Variants in PHF21B observed in about 807,000 individuals in gnomAD.
PHF21B encodes the protein PHD finger protein 21B.
Under a neutral mutation model 62.2 loss-of-function variants are expected in PHF21B, and 22 were observed. The ratio of observed to expected loss-of-function variants is 0.35; its 90% CI spans 0.25 to 0.51. The LOEUF (loss-of-function observed/expected upper bound fraction) is 0.51. Among genes scored for constraint, PHF21B ranks in the 20% least tolerant of loss-of-function variants. PHF21B has a pLI of 0.97. For missense variants in PHF21B, 701 were observed against 707.9 expected, an observed-to-expected ratio of 0.99 and a Z score of 0.11; for synonymous variants, 341 against 314.7, an observed-to-expected ratio of 1.08 and a Z score of -0.88.
At chr22:44,951,087 C>T (rs2072184375) in intron 2 of PHF21B, among the ~76,000 whole-genome samples, 1 of 152,140 alleles carries the variant, frequency 6.6e-6, no homozygotes, top group Non-Finnish European at 1.5e-5. Context: ...AGCCTGCCAC[C>T]AGATGCAGCT....
At chr22:44,956,268 C>T (rs958144983) in intron 2 of PHF21B, among the ~76,000 whole-genome samples, 1 of 152,182 alleles carries the variant, frequency 6.6e-6, no homozygotes, top group Admixed American at 6.5e-5. Context: ...AAGAGGAAGG[C>T]TATTTGGAGA....
chr22:44,933,018 C>T (rs1263735214), intron 2 of PHF21B, among the ~76,000 whole-genome samples: 3 of 152,268 alleles, frequency 2.0e-5, no homozygotes, highest in Non-Finnish European at 2.9e-5. Flanking sequence ...AAGGCACTCG[C>T]CAAGGAGAGC....
At chr22:44,909,921 G>A (rs1416480893) in intron 5 of PHF21B, among the ~76,000 whole-genome samples, 1 of 152,084 alleles carries the variant, frequency 6.6e-6, no homozygotes, top group Non-Finnish European at 1.5e-5. Context: ...ATTCTCTCAC[G>A]ACACACGCAT....
chr22:44,982,798 G>A (rs1047483897), intron 2 of PHF21B, among the ~76,000 whole-genome samples: 12 of 152,226 alleles, frequency 7.9e-5, no homozygotes, highest in Non-Finnish European at 1.3e-4. Context: ...GGGTGAGTGT[G>A]TATTACGGGA....
intron 2 of PHF21B, among the ~76,000 whole-genome samples, chr22:44,980,744 T>A (rs1450227704): frequency 6.6e-6 from 1 of 152,090 alleles, no homozygotes; most frequent in African/African-American, 2.4e-5. Flanking sequence ...GACAATTAGC[T>A]GTCACTCAGC....
intron 5 of PHF21B, among the ~76,000 whole-genome samples, chr22:44,912,769 C>T (rs765413551): frequency 6.8e-6 from 1 of 146,324 alleles, no homozygotes; most frequent in African/African-American, 2.5e-5. Context: ...GTCCCAGCTA[C>T]TTGGGAGGCT....
At chr22:44,889,872 G>A (rs567926485) in intron 8 of PHF21B, 90 bp from the exon 9 acceptor site, 10 of 1,352,904 alleles carry the variant, frequency 7.4e-6, no homozygotes, top group Non-Finnish European at 9.8e-6. Context: ...CATGTGGCAA[G>A]GGCTCTTACC....
rs2070765965 is a variant in PHF21B, at chr22:44,883,073, T to C, written c.*13A>G. 6.2e-7 allele frequency: 1 copy of C among 1,602,452 alleles called. No individual in the cohort carries two copies. The highest frequency in any genetic ancestry group is 1.3e-5 in the African/African-American group (1 of 74,744). Reference sequence around the variant, plus strand: ...AATAACTTTCCGTGGGTATGAAGACTGGTCCCTCGGGGTCAGTTGTGGCCC... The same window carrying C: ...AATAACTTTCCGTGGGTATGAAGACCGGTCCCTCGGGGTCAGTTGTGGCCC... On this transcript the variant is annotated 3_prime_UTR_variant, in exon 13 of 13. Coordinates refer to ENST00000313237, the MANE Select transcript of PHF21B (RefSeq NM_138415.5).
At chr22:44,900,295 G>A (rs1383034385) in intron 5 of PHF21B, among the ~76,000 whole-genome samples, 2 of 152,110 alleles carry the variant, frequency 1.3e-5, no homozygotes, top group African/African-American at 2.4e-5. Context: ...AATGGCTCAT[G>A]GAACATTTCC....
intron 2 of PHF21B, among the ~76,000 whole-genome samples, chr22:44,975,545 T>C (rs920841717): frequency 6.6e-6 from 1 of 150,524 alleles, no homozygotes; most frequent in African/African-American, 2.5e-5. Context: ...GCAGAGAGGG[T>C]TTTCTAAGCA....
At chr22:44,897,652 T>G (rs1650360430) in intron 5 of PHF21B, among the ~76,000 whole-genome samples, 1 of 152,202 alleles carries the variant, frequency 6.6e-6, no homozygotes, top group African/African-American at 2.4e-5. Flanking sequence ...CTTTTATTTA[T>G]GGGGCTGGCT....
At chr22:44,908,319 G>T (rs748137166) in intron 5 of PHF21B, among the ~76,000 whole-genome samples, 1 of 152,162 alleles carries the variant, frequency 6.6e-6, no homozygotes. Flanking sequence ...CCCTTCCTGT[G>T]GGGCCTGAAA....
intron 5 of PHF21B, among the ~76,000 whole-genome samples, chr22:44,912,878 C>CAAAAAAAAAAA (rs3087031): frequency 0.073 from 3,298 of 45,436 alleles, 793 homozygotes; most frequent in African/African-American, 0.27. Context: ...GACTCTATCT[C>CAAAAAAAAAAA]AAAAAAAAAA....
intron 12 of PHF21B, among the ~76,000 whole-genome samples, chr22:44,884,170 T>TCAC (rs1446863848): frequency 8.6e-6 from 1 of 116,304 alleles, no homozygotes; most frequent in African/African-American, 4.4e-5. Flanking sequence ...ATCAGCACCA[T>TCAC]CACCACCATC....
At chr22:44,917,585 C>T (rs2071461224) in intron 3 of PHF21B, among the ~76,000 whole-genome samples, 1 of 152,204 alleles carries the variant, frequency 6.6e-6, no homozygotes, top group South Asian at 2.1e-4. Context: ...CCGCTGCGCT[C>T]GCACTGCAGG....
chr22:44,951,048 G>T (rs1399886655), intron 2 of PHF21B, among the ~76,000 whole-genome samples: 5 of 152,088 alleles, frequency 3.3e-5, no homozygotes, highest in African/African-American at 9.7e-5. Flanking sequence ...CGGTACAACT[G>T]AAGTACATCA....
At chr22:44,977,401 C>T (rs1041319335) in intron 2 of PHF21B, among the ~76,000 whole-genome samples, 6 of 152,016 alleles carry the variant, frequency 3.9e-5, no homozygotes, top group African/African-American at 1.5e-4. Flanking sequence ...CCCATCTTTA[C>T]TAAAAATACA....
chr22:44,918,834 A>C (rs550037713), intron 3 of PHF21B, among the ~76,000 whole-genome samples: 56 of 152,324 alleles, frequency 3.7e-4, no homozygotes, highest in African/African-American at 1.3e-3. Context: ...ACTGGCCTTG[A>C]TTGGCAGCCT....
chr22:44,991,146 G>T (rs1474819029), intron 2 of PHF21B, among the ~76,000 whole-genome samples: 3 of 152,216 alleles, frequency 2.0e-5, no homozygotes, highest in Non-Finnish European at 4.4e-5. Context: ...GCATCCTTCA[G>T]TCATTAACAC....
Sources: allele counts gnomAD v4.1 joint callset (sites outside exome capture counted in the v4.1 genomes callset), GRCh38; gene constraint gnomAD v4.1.1; transcripts MANE v1.5; gene names NCBI Gene and HGNC (gene_info 2026-07-23, HGNC 2026-07-21).